The following NBAS variants were observed in gnomAD, a reference collection of about 807,000 sequenced individuals.
The protein encoded by NBAS is NBAS subunit of NRZ tethering complex.
A neutral mutation model predicts 302.5 loss-of-function variants in NBAS; 219 were observed. That is an observed-to-expected ratio of 0.72 (90% CI 0.65 to 0.81). NBAS has a LOEUF of 0.81. Among genes scored for constraint, NBAS ranks in the 30% least tolerant of loss-of-function variants. The pLI is 0.00. For missense variants in NBAS, 2,932 were observed against 2,841.6 expected (o/e 1.03, Z -0.72); for synonymous variants, 1,118 against 1,021.6 (o/e 1.09, Z -1.80).
At chr2:14,982,318 A>G in the NBAS span, among the ~76,000 whole-genome samples, 1 of 152,220 alleles carries the variant, frequency 6.6e-6, no homozygotes. Context: ...ACGGCACAGA[A>G]GAACAACACA....
At chr2:15,455,673 T>C (rs564067887) in intron 21 of NBAS, among the ~76,000 whole-genome samples, 2 of 151,664 alleles carry the variant, frequency 1.3e-5, no homozygotes, top group East Asian at 1.9e-4. Context: ...CACAACACTA[T>C]GAAGTAAGTG....
At chr2:15,164,079 G>T (rs1275027525), downstream of NBAS, among the ~76,000 whole-genome samples, 1 of 152,236 alleles carries the variant, frequency 6.6e-6, no homozygotes, top group African/African-American at 2.4e-5. Flanking sequence ...TTACAGGTGT[G>T]AGCCTCTATG....
chr2:15,016,279 A>G, the NBAS span, among the ~76,000 whole-genome samples: 37 of 152,286 alleles, frequency 2.4e-4, no homozygotes, highest in African/African-American at 8.9e-4. Flanking sequence ...TCACCACCAC[A>G]AGAACAGTAT....
At chr2:15,434,729 GT>G (rs1410396006) in intron 21 of NBAS, among the ~76,000 whole-genome samples, 1 of 152,072 alleles carries the variant, frequency 6.6e-6, no homozygotes, top group East Asian at 1.9e-4. Flanking sequence ...TAACCTATAG[GT>G]TCGAGGTTGC....
chr2:15,218,123 A>G (rs1012184987), intron 48 of NBAS, among the ~76,000 whole-genome samples: 9 of 152,184 alleles, frequency 5.9e-5, no homozygotes, highest in East Asian at 1.9e-4. Context: ...TTAGCTAAAT[A>G]TAGAATTACT....
chr2:15,147,950 C>T, the NBAS span, among the ~76,000 whole-genome samples: 8 of 152,194 alleles, frequency 5.3e-5, no homozygotes, highest in African/African-American at 9.6e-5. Context: ...AGACTGCAAA[C>T]GTTCAACTGG....
chr2:14,838,681 T>C, the NBAS span, among the ~76,000 whole-genome samples: 2 of 152,052 alleles, frequency 1.3e-5, no homozygotes, highest in Admixed American at 1.3e-4. Flanking sequence ...TCAGATAATA[T>C]TATCAACCCC....
the NBAS span, among the ~76,000 whole-genome samples, chr2:15,142,675 C>T: frequency 7.2e-5 from 11 of 152,166 alleles, no homozygotes; most frequent in Non-Finnish European, 1.6e-4. Context: ...GCTATTTCCA[C>T]GGTGCCGGCT....
chr2:15,167,176 G>A lies in NBAS; in HGVS notation c.6988C>T (p.Leu2330=), dbSNP rs754977276. The A allele has an allele frequency of 3.1e-6, 5 of 1,614,258 alleles. No homozygotes were observed. The South Asian group carries it at 5.5e-5, about 18-fold the overall frequency. ...LQQGRWDAEE[L]GRHLREAGHE... ...CCGGCCTCCCGCAGGTGTCTGCCCA[G>A]CTCCTCTGCATCCCAGCGCCCTTGC... The change falls in exon 52 of 52, where the codon CTG becomes TTG. Residue 2330 remains leucine (L), a synonymous_variant. Coordinates refer to ENST00000281513, the MANE Select transcript of NBAS (RefSeq NM_015909.4).
At chr2:14,835,763 T>A in the NBAS span, among the ~76,000 whole-genome samples, 2 of 152,012 alleles carry the variant, frequency 1.3e-5, no homozygotes, top group Non-Finnish European at 2.9e-5. Context: ...TTGGGGCCAT[T>A]ATGAATAAAG....
At chr2:15,455,006 G>A (rs1262463352) in intron 21 of NBAS, among the ~76,000 whole-genome samples, 3 of 151,660 alleles carry the variant, frequency 2.0e-5, no homozygotes, top group Admixed American at 6.6e-5. Context: ...GGGTTCAAGC[G>A]ATTCTCCTGC....
At chr2:15,514,286 G>A (rs1272926489) in intron 9 of NBAS, among the ~76,000 whole-genome samples, 1 of 152,014 alleles carries the variant, frequency 6.6e-6, no homozygotes, top group African/African-American at 2.4e-5. Flanking sequence ...TTCTACTTTT[G>A]TACATGCTTC....
the NBAS span, among the ~76,000 whole-genome samples, chr2:14,979,739 GA>G: frequency 1.9e-4 from 28 of 147,846 alleles, no homozygotes; most frequent in East Asian, 2.9e-3. Flanking sequence ...ATTATCTTTA[GA>G]AAAAAAAAAG....
rs545452857 is a variant in NBAS, at chr2:15,353,756, T to C, written c.3932-46A>G. 14 of 1,613,194 alleles carry C rather than the reference T, an allele frequency of 8.7e-6. No individual in the cohort carries two copies. The South Asian group carries it at 1.4e-4, about 16-fold the overall frequency. On this transcript the variant is annotated intron_variant, in intron 33 of 51. Transcript: ENST00000281513. ...AAAATGATTCCCAAAAGAAGAAGAA[T>C]ATTCAATCTAAGATGACAAATGCAA...
At chr2:15,049,017 C>T in the NBAS span, among the ~76,000 whole-genome samples, 1 of 152,220 alleles carries the variant, frequency 6.6e-6, no homozygotes, top group South Asian at 2.1e-4. Flanking sequence ...ATTGAATCTC[C>T]AAGGAAGACC....
intron 31 of NBAS, 72 bp downstream of exon 31, chr2:15,374,536 A>C: frequency 7.5e-7 from 1 of 1,334,404 alleles, no homozygotes; most frequent in Middle Eastern, 1.8e-4. Context: ...TAGTTTTAAA[A>C]ACTAAAAAAG....
intron 47 of NBAS, among the ~76,000 whole-genome samples, chr2:15,232,028 C>T (rs963490362): frequency 2.6e-5 from 4 of 152,086 alleles, no homozygotes; most frequent in African/African-American, 7.2e-5. Context: ...TTAATTTATA[C>T]AAAGTTTTTT....
At chr2:15,147,048 T>G in the NBAS span, among the ~76,000 whole-genome samples, 1 of 152,136 alleles carries the variant, frequency 6.6e-6, no homozygotes, top group African/African-American at 2.4e-5. Context: ...ATCGTGTGCA[T>G]TTAGGAAATG....
chr2:15,080,809 CT>C, the NBAS span, among the ~76,000 whole-genome samples: 21 of 152,320 alleles, frequency 1.4e-4, no homozygotes, highest in African/African-American at 5.1e-4. Context: ...ACACTTCCAC[CT>C]GGGGGGATGG....
Sources: allele counts gnomAD v4.1 joint callset (sites outside exome capture counted in the v4.1 genomes callset), GRCh38; gene constraint gnomAD v4.1.1; transcripts MANE v1.5; gene names NCBI Gene and HGNC (gene_info 2026-07-23, HGNC 2026-07-21).